Variants in ZNF536 observed in about 807,000 individuals in gnomAD.
ZNF536 encodes the protein zinc finger protein 536.
A neutral mutation model predicts 84.5 loss-of-function variants in ZNF536; 13 were observed. The ratio of observed to expected loss-of-function variants is 0.15; its 90% CI spans 0.10 to 0.24. The LOEUF is 0.24. Ranked by LOEUF, ZNF536 falls within the 10% of genes least tolerant of loss-of-function variation. ZNF536 has a pLI of 1.00. For synonymous variants in ZNF536, 811 were observed against 742.5 expected (o/e 1.09, Z -1.50); for missense variants, 1,536 against 1,747.5 (o/e 0.88, Z 2.16).
chr19:30,357,064 G>A lies in ZNF536; in HGVS notation c.-3+4580G>A, dbSNP rs571866028. The stretch of plus-strand genomic sequence containing the variant: ...TCAGAGGACTGATAATATGGGCGTT[G>A]AGGGTGGGGAGCAGTAAACAAGGAA... On this transcript the variant is annotated intron_variant, in intron 3 of 5. Coordinates refer to the ZNF536 transcript ENST00000585628. 8.1e-4 allele frequency among the ~76,000 whole-genome samples: 124 copies of A among 152,356 alleles called. 1 individual carries two copies. The highest frequency in any genetic ancestry group is 8.3e-4 in the South Asian group (4 of 4,824).
intron 1 of ZNF536, among the ~76,000 whole-genome samples, chr19:30,652,825 G>C: frequency 6.6e-6 from 1 of 152,144 alleles, no homozygotes. Context: ...GCGTGGGCTT[G>C]GGGTCATCCC....
At chr19:30,649,466 G>A (rs1046603128) in intron 1 of ZNF536, among the ~76,000 whole-genome samples, 4 of 151,406 alleles carry the variant, frequency 2.6e-5, no homozygotes, top group African/African-American at 9.7e-5. Context: ...TTTAGATGAG[G>A]AACATTAAGA....
chr19:30,523,585 T>C (rs948797221), intron 2 of ZNF536, among the ~76,000 whole-genome samples: 3 of 152,152 alleles, frequency 2.0e-5, no homozygotes, highest in Non-Finnish European at 2.9e-5. Context: ...CCTTTGGAGA[T>C]AGGGACAGTG....
chr19:30,616,487 TTTTA>T (rs2048298657), intron 1 of ZNF536, among the ~76,000 whole-genome samples: 1 of 152,230 alleles, frequency 6.6e-6, no homozygotes, highest in African/African-American at 2.4e-5. Flanking sequence ...TAAAACCTCT[TTTTA>T]TTTAAGGAAA....
At chr19:30,510,581 C>A (rs1012466725) in intron 2 of ZNF536, among the ~76,000 whole-genome samples, 2 of 152,192 alleles carry the variant, frequency 1.3e-5, no homozygotes, top group Non-Finnish European at 2.9e-5. Flanking sequence ...TCTACAGAGA[C>A]GCGGGGATCG....
At chr19:30,602,044 A>C (rs149363436) in intron 1 of ZNF536, among the ~76,000 whole-genome samples, 1 of 152,358 alleles carries the variant, frequency 6.6e-6, no homozygotes, top group African/African-American at 2.4e-5. Flanking sequence ...CAAGCTGTGC[A>C]CACTGCAAAC....
At chr19:30,635,668 C>T in intron 1 of ZNF536, among the ~76,000 whole-genome samples, 1 of 152,190 alleles carries the variant, frequency 6.6e-6, no homozygotes, top group East Asian at 1.9e-4. Context: ...GTGTTGACTT[C>T]AAAAAGCAGG....
chr19:30,352,562 C>T (rs781200346), intron 3 of ZNF536: 4 of 152,246 alleles, frequency 2.6e-5, no homozygotes, highest in African/African-American at 9.7e-5. Flanking sequence ...GTTGACCAAA[C>T]ACAAATCTAA....
intron 1 of ZNF536, among the ~76,000 whole-genome samples, chr19:30,413,549 A>G (rs2050585128): frequency 6.6e-6 from 1 of 152,202 alleles, no homozygotes; most frequent in South Asian, 2.1e-4. Context: ...GGATGTTTGT[A>G]AAGAATTCAT....
intron 1 of ZNF536, among the ~76,000 whole-genome samples, chr19:30,432,675 T>G (rs1488631935): frequency 6.6e-6 from 1 of 152,206 alleles, no homozygotes; most frequent in Non-Finnish European, 1.5e-5. Context: ...TTCCGATGTT[T>G]GGTTTGTGGT....
At chr19:30,686,475 G>GC (rs376484183) in intron 1 of ZNF536, among the ~76,000 whole-genome samples, 11 of 152,148 alleles carry the variant, frequency 7.2e-5, no homozygotes, top group South Asian at 2.1e-4. Context: ...GGAAGCTGCA[G>GC]CCCCCCCAAG....
At chr19:30,639,290 C>G (rs1223468643) in intron 1 of ZNF536, among the ~76,000 whole-genome samples, 1 of 152,214 alleles carries the variant, frequency 6.6e-6, no homozygotes, top group Non-Finnish European at 1.5e-5. Context: ...ACATAGTTAA[C>G]TATTTTTAAG....
chr19:30,458,454 T>TTTTTTG (rs1420558978), intron 2 of ZNF536, among the ~76,000 whole-genome samples: 1 of 144,516 alleles, frequency 6.9e-6, no homozygotes, highest in African/African-American at 2.7e-5. Flanking sequence ...GCTGTTTTTT[T>TTTTTTG]TTTTTTTTTT....
At chr19:30,230,440 C>T (rs908564515) in intron 1 of ZNF536, among the ~76,000 whole-genome samples, 2 of 152,178 alleles carry the variant, frequency 1.3e-5, no homozygotes, top group Non-Finnish European at 2.9e-5. Flanking sequence ...TGTTCTGTGC[C>T]TGGAGTGGTT....
chr19:30,452,699 A>G (rs1959199740), intron 2 of ZNF536, among the ~76,000 whole-genome samples: 1 of 152,116 alleles, frequency 6.6e-6, no homozygotes, highest in Non-Finnish European at 1.5e-5. Flanking sequence ...CATTGATGGC[A>G]GGGGTGGAGA....
chr19:30,564,065 A>C, intron 1 of ZNF536, among the ~76,000 whole-genome samples: 1 of 152,168 alleles, frequency 6.6e-6, no homozygotes. Flanking sequence ...AGAGGGGGTG[A>C]ATGGCTGAAA....
chr19:30,605,467 T>A (rs1378440918), intron 1 of ZNF536, among the ~76,000 whole-genome samples: 2 of 152,240 alleles, frequency 1.3e-5, no homozygotes, highest in African/African-American at 4.8e-5. Flanking sequence ...GTGACTTCAC[T>A]TGAAATGATG....
At chr19:30,630,553 C>T (rs937347280) in intron 1 of ZNF536, among the ~76,000 whole-genome samples, 2 of 152,184 alleles carry the variant, frequency 1.3e-5, no homozygotes, top group African/African-American at 4.8e-5. Flanking sequence ...CAGGGCTGGG[C>T]CTCCGTTTCA....
intron 1 of ZNF536, among the ~76,000 whole-genome samples, chr19:30,415,284 C>CTT (rs2050675714): frequency 3.3e-4 from 40 of 120,188 alleles, no homozygotes; most frequent in African/African-American, 1.1e-3. Flanking sequence ...TCCTCCTCCT[C>CTT]CTTCTTCTTC....
Sources: allele counts gnomAD v4.1 joint callset (sites outside exome capture counted in the v4.1 genomes callset), GRCh38; gene constraint gnomAD v4.1.1; transcripts MANE v1.5; gene names NCBI Gene and HGNC (gene_info 2026-07-23, HGNC 2026-07-21).